The following NRXN3 variants were observed in gnomAD, a reference collection of about 807,000 sequenced individuals.
The protein encoded by NRXN3 is neurexin III.
A neutral mutation model predicts 137.6 loss-of-function variants in NRXN3; 32 were observed. The observed-to-expected ratio is 0.23, with a 90% confidence interval of 0.18 to 0.31. NRXN3 has a LOEUF of 0.31. Among genes scored for constraint, NRXN3 ranks in the 10% least tolerant of loss-of-function variants. NRXN3 has a pLI of 1.00. For missense variants in NRXN3, 1,574 were observed against 2,062.5 expected (o/e 0.76, Z 4.59); for synonymous variants, 798 against 784.5 (o/e 1.02, Z -0.29).
intron 16 of NRXN3, among the ~76,000 whole-genome samples, chr14:79,538,383 A>G (rs2097235847): frequency 6.6e-6 from 1 of 152,148 alleles, no homozygotes; most frequent in Non-Finnish European, 1.5e-5. Flanking sequence ...TATGTCCTGA[A>G]TGGTATTGCC....
At chr14:78,953,161 G>T (rs1189708574) in intron 10 of NRXN3, among the ~76,000 whole-genome samples, 2 of 152,160 alleles carry the variant, frequency 1.3e-5, no homozygotes, top group African/African-American at 4.8e-5. Context: ...ATGAAGGTGT[G>T]TGCCTTTAAT....
intron 4 of NRXN3, among the ~76,000 whole-genome samples, chr14:78,368,550 C>G (rs2086338335): frequency 6.6e-6 from 1 of 152,234 alleles, no homozygotes; most frequent in East Asian, 1.9e-4. Flanking sequence ...AAAAAATTAG[C>G]CAGGCACTGT....
chr14:78,589,936 G>A (rs1339020512), intron 4 of NRXN3, among the ~76,000 whole-genome samples: 5 of 152,234 alleles, frequency 3.3e-5, no homozygotes, highest in South Asian at 2.1e-4. Context: ...CAGCCTGGGC[G>A]ACAAGAGTGA....
At chr14:79,278,067 A>C (rs572014543) in intron 15 of NRXN3, among the ~76,000 whole-genome samples, 1 of 152,188 alleles carries the variant, frequency 6.6e-6, no homozygotes, top group Non-Finnish European at 1.5e-5. Context: ...GGGCTGTCTT[A>C]ATCCCTGTTC....
chr14:79,401,334 TGGAAATTAATGTATGGTTCCTGGACA>T lies in NRXN3; in HGVS notation c.3263-65884_3263-65859del, dbSNP rs549782885. Among the ~76,000 whole-genome samples the T allele has an allele frequency of 1.1e-4, 17 of 152,106 alleles. No individual in the cohort carries two copies. In the South Asian group the frequency reaches 3.1e-3, roughly 28 times the overall value. ...GTTTGTCACCCTGTACTTAGAAAAGTGGAAATTAATGTATGGTTCCTGGACAGGCAGCACCAGCATCACCAGGGAAC... is the reference window on the plus strand; with the variant it reads ...GTTTGTCACCCTGTACTTAGAAAAGTGGCAGCACCAGCATCACCAGGGAAC... On this transcript the variant is annotated intron_variant, in intron 15 of 20. Transcript: ENST00000335750.
At position 79,472,891 on chromosome 14, in the gene NRXN3, A is replaced by G. The variant is rs76627261; in HGVS notation, c.3444+5489A>G. Among the ~76,000 whole-genome samples the G allele has an allele frequency of 1.2e-3, 176 of 152,274 alleles. 3 individuals are homozygous for G. In the East Asian group the frequency reaches 0.028, roughly 24 times the overall value. ...ACCTCTTTCACCATCTGCAAAATAG[A>G]AGGTCGGGGAGAACTGGGCAATAAT... On this transcript the variant is annotated intron_variant, in intron 16 of 20. Transcript: ENST00000335750.
At chr14:79,040,197 C>G (rs1288022787) in intron 15 of NRXN3, among the ~76,000 whole-genome samples, 1 of 152,198 alleles carries the variant, frequency 6.6e-6, no homozygotes, top group African/African-American at 2.4e-5. Flanking sequence ...CAAAAGTAAA[C>G]TCTCTAAGAT....
At chr14:78,634,838 A>G (rs61976119) in intron 4 of NRXN3, among the ~76,000 whole-genome samples, 11,644 of 152,264 alleles carry the variant, frequency 0.076, 541 homozygotes, top group Middle Eastern at 0.15. Flanking sequence ...AGCTATGTGT[A>G]TGTATGTGTA....
At chr14:78,821,729 A>T (rs2098951444) in intron 10 of NRXN3, among the ~76,000 whole-genome samples, 1 of 152,164 alleles carries the variant, frequency 6.6e-6, no homozygotes, top group African/African-American at 2.4e-5. Context: ...TGGGCCGGTT[A>T]TCTCTGGCTA....
intron 4 of NRXN3, among the ~76,000 whole-genome samples, chr14:78,431,700 A>G (rs17756122): frequency 0.043 from 6,518 of 152,198 alleles, 204 homozygotes; most frequent in Middle Eastern, 0.068. Flanking sequence ...ATGGGTTGAA[A>G]CTGGCTTTAG....
chr14:78,966,481 A>G (rs1319308225), intron 12 of NRXN3, 75 bp downstream of exon 12: 6 of 1,477,626 alleles, frequency 4.1e-6, no homozygotes, highest in Non-Finnish European at 5.5e-6. Flanking sequence ...TGGACATAAA[A>G]ATAACTTGTC....
chr14:78,347,260 A>G (rs1247601090), intron 4 of NRXN3, among the ~76,000 whole-genome samples: 1 of 152,228 alleles, frequency 6.6e-6, no homozygotes, highest in African/African-American at 2.4e-5. Context: ...AAGGAGGAAG[A>G]AAAAGGAAGT....
intron 16 of NRXN3, among the ~76,000 whole-genome samples, chr14:79,625,699 T>A (rs925174594): frequency 1.3e-5 from 2 of 152,208 alleles, no homozygotes; most frequent in African/African-American, 2.4e-5. Context: ...ATGAAACCTC[T>A]CCAGATTACC....
rs1354210986 is a variant in NRXN3 at position 78,954,874 on chromosome 14, T to C, written c.2276-2368T>C. ...TATTTGTGTTTGAATCTGACCACTG[T>C]GAATATCTCAAGGATACCATAAGAG... is the stretch of plus-strand genomic sequence containing the variant. On this transcript the variant is annotated intron_variant, in intron 10 of 20. Transcript: ENST00000335750. Among the ~76,000 whole-genome samples, 5 of 151,798 alleles carry C rather than the reference T, an allele frequency of 3.3e-5. No individual in the cohort carries two copies. The South Asian group carries it at 1.0e-3, about 32-fold the overall frequency.
chr14:79,414,528 A>G (rs2095468757), intron 15 of NRXN3, among the ~76,000 whole-genome samples: 1 of 152,150 alleles, frequency 6.6e-6, no homozygotes. Context: ...TCGTAGCAAA[A>G]AATGTAGAGA....
chr14:79,341,119 G>A (rs1475675184), intron 15 of NRXN3, among the ~76,000 whole-genome samples: 1 of 152,064 alleles, frequency 6.6e-6, no homozygotes, highest in Non-Finnish European at 1.5e-5. Flanking sequence ...CAGCTTGGAG[G>A]GGCTCTTTTC....
chr14:79,233,507 G>A (rs537321099), intron 15 of NRXN3, among the ~76,000 whole-genome samples: 288 of 152,120 alleles, frequency 1.9e-3, no homozygotes, highest in African/African-American at 6.3e-3. Flanking sequence ...TAAACCTACT[G>A]TAATCCGTGA....
In NRXN3 at chr14:78,207,256, T is replaced by C. The variant is rs60156450; in HGVS notation, c.-703-35135T>C. Among the ~76,000 whole-genome samples the C allele has an allele frequency of 3.9e-3, 588 of 152,258 alleles. 32 individuals carry two copies. The East Asian group carries it at 0.1, about 26-fold the overall frequency. On this transcript the variant is annotated intron_variant, in intron 1 of 20. Transcript: ENST00000335750. ...AGCCTGTGAAAACCCACCCCTTCTT[T>C]TTGGTTTGTTTCTTTTATACGACCC...
At chr14:78,173,709 C>CTATTT (rs1555388041) in intron 1 of NRXN3, among the ~76,000 whole-genome samples, 1 of 69,358 alleles carries the variant, frequency 1.4e-5, no homozygotes, top group Admixed American at 2.2e-4. Context: ...TTTTTCCTTG[C>CTATTT]TTTTTTTTTT....
Sources: gnomAD v4.1 joint callset for allele counts (sites outside exome capture counted in the v4.1 genomes callset) on GRCh38, gnomAD v4.1.1 for gene constraint, MANE v1.5 for transcripts, NCBI Gene and HGNC (gene_info 2026-07-23, HGNC 2026-07-21) for gene names.